Variants in BRD10 observed in about 807,000 individuals in gnomAD.
BRD10 encodes bromodomain containing 10, also known as uncharacterized bromodomain-containing protein 10.
chr9:5,881,836 C>A, the BRD10 span, among the ~76,000 whole-genome samples: 1 of 152,200 alleles, frequency 6.6e-6, no homozygotes, highest in Non-Finnish European at 1.5e-5. Flanking sequence ...TAGGAAGTCA[C>A]TAGAGATGAG....
chr9:5,960,681 G>A, the BRD10 span, among the ~76,000 whole-genome samples: 1 of 151,988 alleles, frequency 6.6e-6, no homozygotes, highest in African/African-American at 2.4e-5. Flanking sequence ...CTGTTAATGC[G>A]TCTGTAATCT....
the BRD10 span, among the ~76,000 whole-genome samples, chr9:5,915,024 AATTT>A: frequency 6.6e-6 from 1 of 152,088 alleles, no homozygotes; most frequent in Non-Finnish European, 1.5e-5. Flanking sequence ...CCCCCAACTA[AATTT>A]ATTAGTATTT....
chr9:5,975,007 T>C, the BRD10 span, among the ~76,000 whole-genome samples: 13 of 152,034 alleles, frequency 8.6e-5, no homozygotes, highest in Non-Finnish European at 1.6e-4. Context: ...TCCAAAAATA[T>C]CCAGCGCTCA....
chr9:5,948,212 C>T, the BRD10 span, among the ~76,000 whole-genome samples: 1 of 152,114 alleles, frequency 6.6e-6, no homozygotes, highest in Non-Finnish European at 1.5e-5. Flanking sequence ...ATCTCCAATT[C>T]ATATAAAAGG....
chr9:5,945,380 C>T, the BRD10 span, among the ~76,000 whole-genome samples: 5 of 152,066 alleles, frequency 3.3e-5, no homozygotes, highest in African/African-American at 4.8e-5. Context: ...ACTGTTATAC[C>T]TTTGCCTTGG....
the BRD10 span, chr9:6,007,263 G>A: frequency 6.2e-7 from 1 of 1,613,928 alleles, no homozygotes; most frequent in Middle Eastern, 1.6e-4. Context: ...AGATCCAGTG[G>A]TCCACTCCGT....
the BRD10 span, chr9:5,897,457 G>T: frequency 9.3e-7 from 1 of 1,072,034 alleles, no homozygotes; most frequent in Non-Finnish European, 1.4e-6. Context: ...GCTGCTCTGG[G>T]TCGTCAAAGT....
chr9:5,974,897 G>A, the BRD10 span, among the ~76,000 whole-genome samples: 13 of 152,228 alleles, frequency 8.5e-5, no homozygotes, highest in East Asian at 5.8e-4. Context: ...CTGGACTAGC[G>A]CTCAGGATCC....
chr9:5,994,205 C>G, the BRD10 span, among the ~76,000 whole-genome samples: 1 of 150,374 alleles, frequency 6.7e-6, no homozygotes, highest in African/African-American at 2.4e-5. Context: ...TGCTTATTTA[C>G]TCTCTCATTT....
the BRD10 span, chr9:5,920,498 T>C: frequency 1.9e-6 from 3 of 1,613,954 alleles, no homozygotes; most frequent in South Asian, 3.3e-5. Context: ...TACTAAAGCT[T>C]GCTGATTTGG....
the BRD10 span, chr9:5,944,962 TA>T: frequency 6.8e-7 from 1 of 1,480,238 alleles, no homozygotes; most frequent in Non-Finnish European, 9.2e-7. Context: ...GCAAATAAGC[TA>T]AAATAAAACA....
the BRD10 span, chr9:5,968,736 T>A: frequency 6.2e-7 from 1 of 1,613,928 alleles, no homozygotes; most frequent in Non-Finnish European, 8.5e-7. Context: ...TGTATTTTAA[T>A]GGGTGGAATT....
At chr9:5,950,011 T>TA in the BRD10 span, among the ~76,000 whole-genome samples, 3 of 152,132 alleles carry the variant, frequency 2.0e-5, no homozygotes, top group African/African-American at 4.8e-5. Flanking sequence ...TAATTATCAC[T>TA]AAAAAATCCA....
the BRD10 span, chr9:5,919,675 A>C: frequency 6.3e-7 from 1 of 1,585,396 alleles, no homozygotes; most frequent in South Asian, 1.2e-5. Flanking sequence ...TGGCTCTTTT[A>C]GTCTAAATTC....
At chr9:5,922,476 T>G in the BRD10 span, 1 of 1,614,008 alleles carries the variant, frequency 6.2e-7, no homozygotes, top group Non-Finnish European at 8.5e-7. Context: ...GATAAAGGTG[T>G]AATTGTTTTG....
At chr9:5,891,714 G>GA in the BRD10 span, among the ~76,000 whole-genome samples, 3 of 151,020 alleles carry the variant, frequency 2.0e-5, no homozygotes, top group South Asian at 2.1e-4. Context: ...GTTATAGTTA[G>GA]AAAAAAAAAG....
the BRD10 span, chr9:5,897,612 T>A: frequency 6.2e-7 from 1 of 1,614,134 alleles, no homozygotes; most frequent in Non-Finnish European, 8.5e-7. Flanking sequence ...GCTCATCGGC[T>A]GTTGGTATTG....
the BRD10 span, among the ~76,000 whole-genome samples, chr9:5,897,193 T>G: frequency 1.1e-3 from 165 of 152,310 alleles, no homozygotes; most frequent in Non-Finnish European, 1.5e-3. Context: ...TGGGCTGAGT[T>G]GGAGAAAATG....
At chr9:5,965,745 A>G in the BRD10 span, among the ~76,000 whole-genome samples, 1 of 152,216 alleles carries the variant, frequency 6.6e-6, no homozygotes, top group East Asian at 1.9e-4. Context: ...TAAGAGGAGT[A>G]TTTTCCAAAC....
Sources: gnomAD v4.1 joint callset for allele counts (sites outside exome capture counted in the v4.1 genomes callset) on GRCh38, gnomAD v4.1.1 for gene constraint, MANE v1.5 for transcripts, NCBI Gene and HGNC (gene_info 2026-07-23, HGNC 2026-07-21) for gene names.